Variants in PI4KA observed in about 807,000 individuals in gnomAD.
The protein encoded by PI4KA is phosphatidylinositol 4-kinase alpha.
Under a neutral mutation model 271.4 loss-of-function variants are expected in PI4KA, and 122 were observed. The observed-to-expected ratio is 0.45, with a 90% CI of 0.39 to 0.52. PI4KA has a LOEUF of 0.52. Among genes scored for constraint, PI4KA ranks in the 20% least tolerant of loss-of-function variants. PI4KA has a pLI of 0.00. For missense variants in PI4KA, 1,969 were observed against 2,769.1 expected (o/e 0.71, Z 6.48); for synonymous variants, 1,041 against 1,078.8 (o/e 0.96, Z 0.69).
intron 19 of PI4KA, chr22:20,780,244 A>G: frequency 1.2e-6 from 2 of 1,613,782 alleles, no homozygotes; most frequent in Non-Finnish European, 1.7e-6. Flanking sequence ...CCCACAACAT[A>G]CTATTTTTGT....
chr22:20,728,834 A>T (rs1419876610), intron 39 of PI4KA, among the ~76,000 whole-genome samples: 3 of 152,164 alleles, frequency 2.0e-5, no homozygotes, highest in Admixed American at 1.3e-4. Flanking sequence ...CCTCTCAGCC[A>T]CCATCGGTCT....
At chr22:20,785,954 T>G (rs1356431598) in intron 19 of PI4KA, 1 of 1,613,360 alleles carries the variant, frequency 6.2e-7, no homozygotes, top group Admixed American at 1.7e-5. Context: ...ATGATTCTTT[T>G]GTAACTTGTG....
In PI4KA at chr22:20,794,823, A is replaced by C. The variant is rs576874731; in HGVS notation, c.2277+1323T>G. ...ATGGCCCATGAACCAAATCCAACCC[A>C]ACACCTGTTCTTGCAAATACAATTT... On this transcript the variant is annotated intron_variant, in intron 18 of 54. Transcript: ENST00000255882. Among the ~76,000 whole-genome samples, 34 of 152,290 alleles carry C rather than the reference A, an allele frequency of 2.2e-4. 1 individual carries two copies. The highest frequency in any genetic ancestry group is 7.7e-4 in the African/African-American group (32 of 41,566).
intron 2 of PI4KA, among the ~76,000 whole-genome samples, chr22:20,836,821 C>T (rs1288326836): frequency 1.3e-5 from 2 of 152,194 alleles, no homozygotes; most frequent in East Asian, 3.9e-4. Flanking sequence ...TGGGACCCTG[C>T]TAGTCCTTAC....
intron 29 of PI4KA, 189 bp downstream of exon 29, chr22:20,747,394 C>T (rs562059909): frequency 4.1e-6 from 2 of 484,114 alleles, no homozygotes; most frequent in Non-Finnish European, 7.2e-6. Context: ...AGGAAACACT[C>T]ATTTCAATGG....
intron 18 of PI4KA, among the ~76,000 whole-genome samples, chr22:20,795,098 A>C (rs1015683232): frequency 1.3e-5 from 2 of 152,160 alleles, no homozygotes; most frequent in African/African-American, 4.8e-5. Flanking sequence ...GTGGAAGTAG[A>C]GATATGGTTG....
Position 20,727,774 on chromosome 22 carries a change from C to T in PI4KA, c.4773G>A (p.Lys1591=). Reference sequence around the variant, plus strand: ...GGCCCTGGTACGTGGGCTACACTACCTTGATTGCTTCAGGCACATCACTAA... The same window carrying T: ...GGCCCTGGTACGTGGGCTACACTACTTTGATTGCTTCAGGCACATCACTAA... ...GAVSDVPEAI[K]FLVTWHTIDA... Residue 1591 remains lysine, a splice_region_variant and synonymous_variant, in exon 40 of 55, where the codon AAG becomes AAA. Transcript: ENST00000255882. The T allele has an allele frequency of 6.2e-7, 1 of 1,612,750 alleles. No individual in the cohort carries two copies. Among genetic ancestry groups the T allele is most frequent in the Non-Finnish European group, 8.5e-7 (1 of 1,178,762 alleles).
At chr22:20,765,774 G>A (rs1932468138) in intron 19 of PI4KA, 81 bp from the exon 20 acceptor site, 1 of 871,690 alleles carries the variant, frequency 1.1e-6, no homozygotes, top group South Asian at 1.4e-5. Flanking sequence ...ATCAACCACA[G>A]ATTCATTCTC....
intron 18 of PI4KA, among the ~76,000 whole-genome samples, chr22:20,793,948 C>T (rs1934810153): frequency 6.6e-6 from 1 of 152,254 alleles, no homozygotes; most frequent in Admixed American, 6.5e-5. Context: ...TGAGCATACA[C>T]TGCGGCCAGG....
intron 14 of PI4KA, among the ~76,000 whole-genome samples, chr22:20,801,567 C>G (rs1254923678): frequency 3.4e-5 from 5 of 145,584 alleles, no homozygotes; most frequent in Non-Finnish European, 7.5e-5. Flanking sequence ...CCCCAGGCAA[C>G]AGTGCAAGAC....
At chr22:20,850,120 G>GAGA (rs1926773726) in intron 1 of PI4KA, among the ~76,000 whole-genome samples, 1 of 152,130 alleles carries the variant, frequency 6.6e-6, no homozygotes, top group Non-Finnish European at 1.5e-5. Flanking sequence ...AAATTTTGTG[G>GAGA]TATGTGAATT....
chr22:20,827,852 T>G (rs1056900232), intron 3 of PI4KA, among the ~76,000 whole-genome samples: 1 of 152,200 alleles, frequency 6.6e-6, no homozygotes, highest in African/African-American at 2.4e-5. Context: ...TGGAGGGCAG[T>G]GGCACAATCG....
At chr22:20,738,839 A>G (rs886154902) in intron 32 of PI4KA, among the ~76,000 whole-genome samples, 14 of 152,136 alleles carry the variant, frequency 9.2e-5, no homozygotes, top group Non-Finnish European at 1.5e-5. Flanking sequence ...AAGTGGGGTA[A>G]AAAGCAGGAA....
intron 32 of PI4KA, among the ~76,000 whole-genome samples, chr22:20,739,777 A>T (rs1929192284): frequency 6.6e-6 from 1 of 152,128 alleles, no homozygotes. Context: ...AAAAAGAATT[A>T]AATGGCTGGG....
At position 20,812,157 on chromosome 22, in the gene PI4KA, G is replaced by A. The variant is rs377076406; in HGVS notation, c.1006-1125C>T. The stretch of plus-strand genomic sequence containing the variant: ...GACATGGTACTGGGAACAGCCATCT[G>A]TGAAGGTCATGGCTCTACCAGGCCA... On this transcript the variant is annotated intron_variant, in intron 8 of 54. Transcript: ENST00000255882. Among the ~76,000 whole-genome samples, 16 of 152,296 alleles carry A rather than the reference G, an allele frequency of 1.1e-4. No individual in the cohort carries two copies. The South Asian group carries it at 2.9e-3, about 28-fold the overall frequency.
At chr22:20,744,138 G>C (rs1424788808) in intron 30 of PI4KA, among the ~76,000 whole-genome samples, 1 of 152,196 alleles carries the variant, frequency 6.6e-6, no homozygotes, top group East Asian at 1.9e-4. Flanking sequence ...GAGGCCCACA[G>C]ATGTGATGGC....
chr22:20,764,803 G>GAAGGC lies in PI4KA; in HGVS notation c.2708+9_2708+13dup, dbSNP rs773662472. 4 of 1,602,000 alleles carry GAAGGC rather than the reference G, an allele frequency of 2.5e-6. No homozygotes were observed. In the African/African-American group the frequency reaches 5.4e-5, roughly 21 times the overall value. On this transcript the variant is annotated intron_variant, in intron 22 of 54. Coordinates refer to ENST00000255882, the MANE Select transcript of PI4KA (RefSeq NM_058004.4). ...TGTGGATGTGCATGTGCATGGTGGT[G>GAAGGC]AAGGCACGTGTACCTCATGTACTCC... is the stretch of plus-strand genomic sequence containing the variant.
chr22:20,809,636 A>G (rs547333602), intron 9 of PI4KA, among the ~76,000 whole-genome samples: 3 of 152,090 alleles, frequency 2.0e-5, no homozygotes, highest in Non-Finnish European at 4.4e-5. Context: ...TCAGTCACAA[A>G]TGATCAAACA....
In PI4KA at chr22:20,734,131, T is replaced by C; in HGVS notation, c.3964A>G (p.Ser1322Gly). 1 of 1,589,900 alleles carries C rather than the reference T, an allele frequency of 6.3e-7. No individual in the cohort carries two copies. The highest frequency in any genetic ancestry group is 8.6e-7 in the Non-Finnish European group (1 of 1,168,958). Residue 1322 changes from serine to glycine, a missense_variant, in exon 34 of 55, where the codon AGC becomes GGC. By Grantham distance (56) the Ser-to-Gly change is moderately conservative (BLOSUM62 0). Coordinates refer to ENST00000255882, the MANE Select transcript of PI4KA (RefSeq NM_058004.4). ...AGGGACATGGAGCGCTGCAGCAGGC[T>C]GGAGAAGATCTCCACTTGGTCAGAG... ...CSSDQVEIFS[S>G]LLQRSMSLNI...
Sources: gnomAD v4.1 joint callset for allele counts (sites outside exome capture counted in the v4.1 genomes callset) on GRCh38, gnomAD v4.1.1 for gene constraint, MANE v1.5 for transcripts, NCBI Gene and HGNC (gene_info 2026-07-23, HGNC 2026-07-21) for gene names.